The following DST variants were observed in gnomAD, a reference collection of about 807,000 sequenced individuals.
DST encodes the protein bullous pemphigoid antigen.
DST carries 253 observed loss-of-function variants against 875.2 expected under a neutral mutation model. That is an observed-to-expected ratio of 0.29 (90% confidence interval 0.26 to 0.32). The LOEUF is 0.32. DST is among the 10% of genes least tolerant of loss of function. The pLI, the probability that DST is intolerant of heterozygous loss-of-function variation, is 1.00. For synonymous variants in DST, 3,124 were observed against 3,197.1 expected, an observed-to-expected ratio of 0.98 and a Z score of 0.77; for missense variants, 8,287 against 9,111.6, an observed-to-expected ratio of 0.91 and a Z score of 3.68.
At chr6:56,633,271 GGCTGGAGT>G (rs1470413518) in intron 27 of DST, among the ~76,000 whole-genome samples, 1 of 143,882 alleles carries the variant, frequency 7.0e-6, no homozygotes, top group Non-Finnish European at 1.5e-5. Context: ...CTGTCGCCCA[GGCTGGAGT>G]GCAGTGGCGG....
intron 72 of DST, among the ~76,000 whole-genome samples, chr6:56,514,763 C>T (rs1412786733): frequency 6.6e-6 from 1 of 152,098 alleles, no homozygotes; most frequent in Admixed American, 6.6e-5. Context: ...CTCACATAAA[C>T]CCTTACAAAA....
chr6:56,792,434 A>C (rs2099728056), intron 4 of DST, among the ~76,000 whole-genome samples: 1 of 152,220 alleles, frequency 6.6e-6, no homozygotes, highest in South Asian at 2.1e-4. Flanking sequence ...TTTTACAATG[A>C]AGAGATCTAG....
At chr6:56,669,422 C>T (rs2152826063) in intron 10 of DST, among the ~76,000 whole-genome samples, 1 of 151,500 alleles carries the variant, frequency 6.6e-6, no homozygotes, top group South Asian at 2.1e-4. Context: ...ATGGTGAAAC[C>T]CCATCTCTAC....
chr6:56,620,150 T>A, intron 36 of DST: 1 of 1,613,654 alleles, frequency 6.2e-7, no homozygotes, highest in Non-Finnish European at 8.5e-7. Context: ...AAGGTCTTTT[T>A]CCATCTGCTT....
In DST at chr6:56,552,413, A is replaced by T; in HGVS notation, c.16379T>A (p.Val5460Asp). The T allele has an allele frequency of 6.2e-7, 1 of 1,613,992 alleles. No homozygotes were observed. The highest frequency in any genetic ancestry group is 1.6e-4 in the Middle Eastern group (1 of 6,062). ...GGCCTCCAAGTCCCTTTTGATTCCA[A>T]CAAGGTCAGGAGAGGTTTCTTCTGT... ...LATEETSPDL[V>D]GIKRDLEALS... The change falls in exon 61 of 104, where the codon GTT becomes GAT. Residue 5460 changes from valine (V) to aspartate (D), a missense_variant. Physicochemically the swap from Val to Asp is radical, Grantham distance 152. Around this residue, in one of 10 missense-constraint regions of DST, gnomAD observed 777 missense variants for 764.8 expected, o/e 1.02. Transcript: ENST00000680361.
At chr6:56,728,064 T>C (rs1227572982) in intron 5 of DST, among the ~76,000 whole-genome samples, 2 of 152,128 alleles carry the variant, frequency 1.3e-5, no homozygotes, top group South Asian at 2.1e-4. Context: ...GTAGTAATAA[T>C]GATAATCAGG....
chr6:56,931,461 C>A (rs1810177708), intron 2 of DST, among the ~76,000 whole-genome samples: 1 of 152,236 alleles, frequency 6.6e-6, no homozygotes, highest in South Asian at 2.1e-4. Flanking sequence ...AGAGTCCCTA[C>A]TGGGGCACTG....
At chr6:56,648,478 T>A (rs1191277936) in intron 13 of DST, 92 bp downstream of exon 13, 1 of 1,301,336 alleles carries the variant, frequency 7.7e-7, no homozygotes, top group African/African-American at 1.5e-5. Flanking sequence ...AGGGCAACTT[T>A]TGTTGAACTT....
chr6:56,635,368 C>A (rs1036712441), intron 24 of DST, among the ~76,000 whole-genome samples: 4 of 152,006 alleles, frequency 2.6e-5, no homozygotes, highest in African/African-American at 9.7e-5. Context: ...CACACACACA[C>A]ACGACACTAA....
chr6:56,601,778 G>T, intron 43 of DST, 102 bp from the exon 44 acceptor site: 1 of 713,194 alleles, frequency 1.4e-6, no homozygotes, highest in Non-Finnish European at 2.2e-6. Flanking sequence ...CTCACATCAG[G>T]GAATGGAAGT....
chr6:56,596,733 TTC>T (rs1484925412), intron 47 of DST, among the ~76,000 whole-genome samples: 1 of 152,206 alleles, frequency 6.6e-6, no homozygotes, highest in Non-Finnish European at 1.5e-5. Context: ...CTGCAAAAGT[TTC>T]TGAGGTCCAG....
intron 5 of DST, among the ~76,000 whole-genome samples, chr6:56,725,593 T>C (rs1433455278): frequency 6.6e-6 from 1 of 152,112 alleles, no homozygotes; most frequent in East Asian, 1.9e-4. Context: ...AGGAGTTAGG[T>C]AGTTTGAAAT....
chr6:56,883,752 C>A (rs1385076217), intron 3 of DST, among the ~76,000 whole-genome samples: 2 of 152,052 alleles, frequency 1.3e-5, no homozygotes, highest in Non-Finnish European at 2.9e-5. Context: ...TCAACTATAC[C>A]CCTATCCACA....
Position 56,471,143 on chromosome 6 carries a change from T to G in DST, c.22284A>C (p.Ile7428=). ...TTCCATCAATAAATTCCTGCCGCGT[T>G]ATTTTCCCATCCTGGTCTTTATCAA... ...RRIDKDQDGK[I]TRQEFIDGIL... is the part of the protein sequence containing the mutation. Residue 7428 remains isoleucine, a synonymous_variant, in exon 95 of 104, where the codon ATA becomes ATC. Transcript: ENST00000680361. 1 of 1,611,646 alleles carries G rather than the reference T, an allele frequency of 6.2e-7. No homozygotes were observed. Among genetic ancestry groups the G allele is most frequent in the African/African-American group, 1.3e-5 (1 of 75,002 alleles).
chr6:56,493,589 C>T (rs1426095887), intron 83 of DST, among the ~76,000 whole-genome samples: 1 of 151,840 alleles, frequency 6.6e-6, no homozygotes, highest in Non-Finnish European at 1.5e-5. Flanking sequence ...ACATTTTAAT[C>T]CATTCTCATG....
At chr6:56,490,014 G>A (rs1465336613) in intron 85 of DST, among the ~76,000 whole-genome samples, 2 of 152,070 alleles carry the variant, frequency 1.3e-5, no homozygotes, top group African/African-American at 2.4e-5. Flanking sequence ...TACTTCTAGG[G>A]AATTTAATCC....
intron 3 of DST, among the ~76,000 whole-genome samples, chr6:56,890,745 A>C (rs1787003097): frequency 6.6e-6 from 1 of 152,206 alleles, no homozygotes; most frequent in Admixed American, 6.5e-5. Context: ...GTCTGACTGA[A>C]AGTAGCTAAA....
At chr6:56,766,120 T>A (rs2099632725) in intron 4 of DST, among the ~76,000 whole-genome samples, 1 of 152,218 alleles carries the variant, frequency 6.6e-6, no homozygotes, top group Admixed American at 6.5e-5. Context: ...ATTGATTAAT[T>A]GAAGCATGGA....
intron 5 of DST, among the ~76,000 whole-genome samples, chr6:56,728,973 T>TACACAC (rs35066414): frequency 0.013 from 1,657 of 132,058 alleles, 10 homozygotes; most frequent in African/African-American, 0.024. Flanking sequence ...ATAAAAAAAG[T>TACACAC]ACACACACAC....
Sources: gnomAD v4.1 joint callset for allele counts (sites outside exome capture counted in the v4.1 genomes callset) on GRCh38, gnomAD v4.1.1 for gene constraint, gnomAD v4.1.1 regional missense constraint, MANE v1.5 for transcripts, NCBI Gene and HGNC (gene_info 2026-07-23, HGNC 2026-07-21) for gene names.